PEX14: variants seen among roughly 807,000 people sequenced by gnomAD.
PEX14 encodes the protein peroxisomal membrane protein PEX14.
PEX14 carries 15 observed loss-of-function variants against 49.5 expected under a neutral mutation model. The observed-to-expected ratio is 0.30, with a 90% CI of 0.20 to 0.47. The LOEUF (loss-of-function observed/expected upper bound fraction) is 0.47. PEX14 is among the 20% of genes least tolerant of loss of function. The pLI is 1.00. For missense variants in PEX14, 398 were observed against 494.8 expected, an observed-to-expected ratio of 0.80 and a Z score of 1.86; for synonymous variants, 210 against 212.7, an observed-to-expected ratio of 0.99 and a Z score of 0.11.
chr1:10,543,770 T>C (rs1011445822), intron 3 of PEX14, among the ~76,000 whole-genome samples: 1 of 152,094 alleles, frequency 6.6e-6, no homozygotes, highest in African/African-American at 2.4e-5. Flanking sequence ...CCACACCTGG[T>C]GAGTTTTTTT....
intron 2 of PEX14, among the ~76,000 whole-genome samples, chr1:10,505,742 A>G (rs1641771299): frequency 6.7e-6 from 1 of 149,766 alleles, no homozygotes; most frequent in African/African-American, 2.5e-5. Flanking sequence ...GTGCAGTGGC[A>G]TGATCATGGT....
chr1:10,613,192 A>C lies in PEX14; in HGVS notation c.299-5140A>C, dbSNP rs1641320399. Among the ~76,000 whole-genome samples, 1 of 152,180 alleles carries C rather than the reference A, an allele frequency of 6.6e-6. No individual in the cohort carries two copies. The highest frequency in any genetic ancestry group is 2.1e-4 in the South Asian group (1 of 4,828). ...GTATGCACAAGTCCTAGTCCTGTGC[A>C]TGTGTTCTTAGTTGATGATGTTTGT... On this transcript the variant is annotated intron_variant, in intron 4 of 8. Transcript: ENST00000356607. The surrounding 1 kb of genome is among the most constrained non-coding windows in gnomAD (Gnocchi z 5.0).
rs921661722 is a variant in PEX14 at position 10,484,521 on chromosome 1, T to A, written c.36+9519T>A. On this transcript the variant is annotated intron_variant, in intron 1 of 8. Transcript: ENST00000356607. ...TAGTATTCCATCGTATGGATGGCTATATCTCAATTTGTTGATCTGTTCACC... is the reference window on the plus strand; with the variant it reads ...TAGTATTCCATCGTATGGATGGCTAAATCTCAATTTGTTGATCTGTTCACC... 1.6e-4 allele frequency among the ~76,000 whole-genome samples: 24 copies of A among 151,864 alleles called. 1 individual carries two copies. The highest frequency in any genetic ancestry group is 5.6e-4 in the African/African-American group (23 of 41,118).
At chr1:10,505,895 G>A (rs1267598581) in intron 2 of PEX14, among the ~76,000 whole-genome samples, 1 of 152,140 alleles carries the variant, frequency 6.6e-6, no homozygotes, top group Non-Finnish European at 1.5e-5. Flanking sequence ...TGGCCAGGCT[G>A]GTCTTGAACT....
At chr1:10,498,374 G>A (rs955474827) in intron 2 of PEX14, among the ~76,000 whole-genome samples, 4 of 152,160 alleles carry the variant, frequency 2.6e-5, no homozygotes, top group Admixed American at 6.5e-5. Flanking sequence ...TAGTCAGTGC[G>A]GTGCAGGTGA....
rs986882587 is a variant in PEX14 at position 10,512,652 on chromosome 1, A to G, written c.84+17331A>G. ...AAAAGAACAATATATTCAGATGCAT[A>G]GGATCGTTTTTAAATGAAATGCTCC... On this transcript the variant is annotated intron_variant, in intron 2 of 8. Transcript: ENST00000356607. The surrounding 1 kb of genome is among the most constrained non-coding windows in gnomAD (Gnocchi z 4.6). Among the ~76,000 whole-genome samples the G allele has an allele frequency of 3.3e-5, 5 of 152,122 alleles. No homozygotes were observed. The highest frequency in any genetic ancestry group is 1.3e-4 in the Admixed American group (2 of 15,264).
chr1:10,605,239 G>A (rs1024338326), intron 4 of PEX14, among the ~76,000 whole-genome samples: 9 of 152,172 alleles, frequency 5.9e-5, no homozygotes, highest in Non-Finnish European at 1.0e-4. Context: ...TGCCCTGGTG[G>A]TCGGTCGGTG....
intron 5 of PEX14, among the ~76,000 whole-genome samples, chr1:10,622,400 AGACTGAGGT>A (rs1641621279): frequency 6.6e-6 from 1 of 152,186 alleles, no homozygotes; most frequent in Non-Finnish European, 1.5e-5. Flanking sequence ...ATTTAGAAAA[AGACTGAGGT>A]GACCTCTTCC....
At chr1:10,499,721 A>G (rs1259896318) in intron 2 of PEX14, among the ~76,000 whole-genome samples, 1 of 152,156 alleles carries the variant, frequency 6.6e-6, no homozygotes, top group African/African-American at 2.4e-5. Context: ...TGCTGGGATT[A>G]CAGGTGTGAG....
At chr1:10,493,258 G>A (rs575480861) in intron 1 of PEX14, among the ~76,000 whole-genome samples, 1 of 152,182 alleles carries the variant, frequency 6.6e-6, no homozygotes, top group East Asian at 1.9e-4. Flanking sequence ...GGGATGGGAC[G>A]AGCAGATTCT....
chr1:10,477,038 A>G (rs2124361923), intron 1 of PEX14, among the ~76,000 whole-genome samples: 1 of 151,802 alleles, frequency 6.6e-6, no homozygotes, highest in South Asian at 2.1e-4. Flanking sequence ...ATTGCCACAG[A>G]ACATGCTGGC....
At chr1:10,533,758 CATT>C (rs1638716040) in intron 2 of PEX14, among the ~76,000 whole-genome samples, 1 of 152,144 alleles carries the variant, frequency 6.6e-6, no homozygotes, top group Non-Finnish European at 1.5e-5. Context: ...ATTTTTAAGC[CATT>C]ATGCATGTTG....
At chr1:10,554,423 A>T (rs553928335) in intron 3 of PEX14, among the ~76,000 whole-genome samples, 6 of 152,276 alleles carry the variant, frequency 3.9e-5, no homozygotes, top group Non-Finnish European at 5.9e-5. Context: ...TTGCTGGGAG[A>T]TCCCAGAGCA....
intron 5 of PEX14, 34 bp from the exon 6 acceptor site, chr1:10,622,985 G>A (rs767595927): frequency 2.3e-5 from 33 of 1,405,222 alleles, no homozygotes; most frequent in Non-Finnish European, 2.5e-5. Context: ...CCCCGGGTCC[G>A]TATGCATTCC....
rs1641517701 is a variant in PEX14 at position 10,494,205 on chromosome 1, GGTA to G, written c.37-1064_37-1062del. ...CACTGTGCTGTGTGCCAGCTAATGT[GGTA>G]GTAGCTGGGCATGAGGAATTTTTGG... is the stretch of plus-strand genomic sequence containing the variant. On this transcript the variant is annotated intron_variant, in intron 1 of 8. Coordinates refer to ENST00000356607, the MANE Select transcript of PEX14 (RefSeq NM_004565.3). The surrounding 1 kb of genome is among the most constrained non-coding windows in gnomAD (Gnocchi z 4.3). Among the ~76,000 whole-genome samples, 1 of 152,184 alleles carries G rather than the reference GGTA, an allele frequency of 6.6e-6. No homozygotes were observed. The highest frequency in any genetic ancestry group is 6.5e-5 in the Admixed American group (1 of 15,276).
At chr1:10,493,138 A>G (rs1251815774) in intron 1 of PEX14, among the ~76,000 whole-genome samples, 1 of 152,204 alleles carries the variant, frequency 6.6e-6, no homozygotes, top group Non-Finnish European at 1.5e-5. Context: ...CCTGAGGTGT[A>G]GTCAGAGTAG....
At chr1:10,479,382 G>A (rs1196522006) in intron 1 of PEX14, among the ~76,000 whole-genome samples, 2 of 151,878 alleles carry the variant, frequency 1.3e-5, no homozygotes, top group Admixed American at 6.6e-5. Flanking sequence ...GTTTGGGGAC[G>A]GGGGAAGAGA....
intron 3 of PEX14, among the ~76,000 whole-genome samples, chr1:10,548,174 G>A (rs536205000): frequency 5.3e-5 from 8 of 152,262 alleles, no homozygotes; most frequent in East Asian, 1.9e-4. Context: ...CTGAGATCGC[G>A]CCACTGCACT....
At chr1:10,577,269 T>G (rs938033949) in intron 3 of PEX14, among the ~76,000 whole-genome samples, 1 of 150,450 alleles carries the variant, frequency 6.6e-6, no homozygotes, top group African/African-American at 2.4e-5. Flanking sequence ...TGGTGGCACA[T>G]GCATGTAATC....
Sources: allele counts gnomAD v4.1 joint callset (sites outside exome capture counted in the v4.1 genomes callset), GRCh38; gene constraint gnomAD v4.1.1; non-coding constraint Gnocchi (gnomAD v3.1); transcripts MANE v1.5; gene names NCBI Gene and HGNC (gene_info 2026-07-23, HGNC 2026-07-21).